APBA2: variants seen among roughly 807,000 people sequenced by gnomAD.
APBA2 encodes the protein amyloid beta precursor protein binding family A member 2, also known as amyloid-beta A4 precursor protein-binding family A member 2.
In APBA2, 30 loss-of-function variants were observed where a neutral mutation model predicts 75.0. That is an observed-to-expected ratio of 0.40 (90% confidence interval 0.30 to 0.54). The LOEUF (loss-of-function observed/expected upper bound fraction) is 0.54, where lower values mean the gene tolerates loss of function less well. Ranked by LOEUF, APBA2 falls within the 20% of genes least tolerant of loss-of-function variation. The pLI is 0.49. For synonymous variants in APBA2, 444 were observed against 409.6 expected, an observed-to-expected ratio of 1.08 and a Z score of -1.01; for missense variants, 801 against 1,016.1, an observed-to-expected ratio of 0.79 and a Z score of 2.88.
chr15:29,022,114 T>C (rs534627531), intron 3 of APBA2, among the ~76,000 whole-genome samples: 28 of 152,314 alleles, frequency 1.8e-4, no homozygotes, highest in African/African-American at 6.7e-4. Context: ...GAGTGCAGAC[T>C]TCTCTCTGAA....
intron 3 of APBA2, among the ~76,000 whole-genome samples, chr15:29,014,790 C>T (rs1179205401): frequency 1.3e-5 from 2 of 151,006 alleles, no homozygotes. Flanking sequence ...CTCACTGCAG[C>T]CTTGGACTCC....
chr15:29,088,556 C>A (rs2043400175), intron 6 of APBA2, among the ~76,000 whole-genome samples: 1 of 152,170 alleles, frequency 6.6e-6, no homozygotes, highest in Non-Finnish European at 1.5e-5. Flanking sequence ...TGTTGATGGA[C>A]CCCTAAATCC....
At chr15:28,944,371 G>A (rs2035419872) in intron 2 of APBA2, among the ~76,000 whole-genome samples, 1 of 152,288 alleles carries the variant, frequency 6.6e-6, no homozygotes, top group Non-Finnish European at 1.5e-5. Flanking sequence ...TTACCTCCGT[G>A]TCACTGTCCA....
At chr15:29,098,265 C>T (rs374750814) in intron 8 of APBA2, among the ~76,000 whole-genome samples, 1 of 152,216 alleles carries the variant, frequency 6.6e-6, no homozygotes, top group African/African-American at 2.4e-5. Flanking sequence ...CACACCCTCC[C>T]ACAGTGTACC....
chr15:29,108,111 C>T (rs900623969), intron 12 of APBA2, among the ~76,000 whole-genome samples, 159 bp from the exon 13 acceptor site: 4 of 152,070 alleles, frequency 2.6e-5, no homozygotes, highest in Non-Finnish European at 5.9e-5. Flanking sequence ...CTTGTCCCCG[C>T]TGCACAGAGG....
At chr15:29,027,192 T>A (rs1018848724) in intron 3 of APBA2, among the ~76,000 whole-genome samples, 2 of 152,238 alleles carry the variant, frequency 1.3e-5, no homozygotes, top group Non-Finnish European at 2.9e-5. Context: ...TTGCTTCAGC[T>A]TTCCATCTCT....
chr15:28,971,397 G>C (rs1056407755), intron 2 of APBA2, among the ~76,000 whole-genome samples: 8 of 152,148 alleles, frequency 5.3e-5, no homozygotes, highest in Admixed American at 5.2e-4. Flanking sequence ...TTCCACCCAA[G>C]ACCAGGATAC....
At chr15:28,959,327 T>C (rs2036342435) in intron 2 of APBA2, among the ~76,000 whole-genome samples, 1 of 152,228 alleles carries the variant, frequency 6.6e-6, no homozygotes, top group Non-Finnish European at 1.5e-5. Flanking sequence ...TGAAAATTCA[T>C]GTGTTGAAAT....
At chr15:29,063,206 G>A (rs2042217450) in intron 4 of APBA2, among the ~76,000 whole-genome samples, 1 of 117,066 alleles carries the variant, frequency 8.5e-6, no homozygotes, top group African/African-American at 3.1e-5. Flanking sequence ...TGGGTGGGGA[G>A]GGGAGTTGAT....
intron 1 of APBA2, among the ~76,000 whole-genome samples, chr15:28,889,789 C>G (rs545229103): frequency 6.6e-6 from 1 of 152,376 alleles, no homozygotes; most frequent in South Asian, 2.1e-4. Context: ...TGGCCCCTCA[C>G]TTATTGCCCA....
At chr15:29,047,642 G>A (rs1474414725) in intron 3 of APBA2, among the ~76,000 whole-genome samples, 1 of 152,236 alleles carries the variant, frequency 6.6e-6, no homozygotes, top group Non-Finnish European at 1.5e-5. Flanking sequence ...AGTCAAGGGT[G>A]CCTGTTAGTG....
chr15:28,906,374 A>G (rs990491404), intron 1 of APBA2, among the ~76,000 whole-genome samples: 2 of 152,194 alleles, frequency 1.3e-5, no homozygotes, highest in African/African-American at 4.8e-5. Context: ...ACACTTGCAC[A>G]ATATGTGACC....
intron 2 of APBA2, among the ~76,000 whole-genome samples, chr15:28,983,845 G>A (rs954939253): frequency 6.6e-6 from 1 of 152,212 alleles, no homozygotes; most frequent in Non-Finnish European, 1.5e-5. Flanking sequence ...GGTTTTAGGA[G>A]TAGATTAATG....
intron 3 of APBA2, among the ~76,000 whole-genome samples, chr15:29,027,264 A>G (rs928856514): frequency 5.9e-5 from 9 of 151,678 alleles, no homozygotes; most frequent in Admixed American, 1.3e-4. Context: ...GTGTTTGTCA[A>G]TTCATCTCGG....
intron 3 of APBA2, among the ~76,000 whole-genome samples, chr15:29,003,316 A>C (rs769550284): frequency 5.9e-5 from 9 of 152,192 alleles, no homozygotes; most frequent in Non-Finnish European, 1.2e-4. Context: ...ACTTAAGATG[A>C]GTCAAATCTA....
chr15:28,998,002 C>T (rs907886550), intron 3 of APBA2, among the ~76,000 whole-genome samples: 1 of 152,102 alleles, frequency 6.6e-6, no homozygotes, highest in East Asian at 1.9e-4. Context: ...CCAATTATGC[C>T]AGAATGAGTC....
chr15:28,909,638 A>ATGCTGGGCACAGGTGCTGGGCACAGG (rs375611530), intron 1 of APBA2, among the ~76,000 whole-genome samples: 1 of 152,022 alleles, frequency 6.6e-6, no homozygotes, highest in Non-Finnish European at 1.5e-5. Flanking sequence ...ATCGAGCTGG[A>ATGCTGGGCACAGGTGCTGGGCACAGG]TGCTGGGCAC....
Position 28,998,257 on chromosome 15 carries a change from G to A in APBA2, c.-41+2451G>A, listed in dbSNP as rs151191581. On this transcript the variant is annotated intron_variant, in intron 3 of 14. Transcript: ENST00000683413. ...GGCCTCACTATATCCTATGATAACC[G>A]TCCTATAGGCCCTCGATCTATAAAA... Among the ~76,000 whole-genome samples, 340 of 142,046 alleles carry A rather than the reference G, an allele frequency of 2.4e-3. 2 individuals are homozygous for A. The highest frequency in any genetic ancestry group is 8.5e-3 in the African/African-American group (320 of 37,728). 93.2% of individuals were successfully genotyped at this position (142,046 alleles called of 152,430 possible).
intron 2 of APBA2, among the ~76,000 whole-genome samples, chr15:28,971,927 T>C (rs1233102012): frequency 6.6e-6 from 1 of 152,070 alleles, no homozygotes; most frequent in Non-Finnish European, 1.5e-5. Flanking sequence ...TGTAGCAAAA[T>C]GCTGGACATG....
Sources: allele counts gnomAD v4.1 joint callset (sites outside exome capture counted in the v4.1 genomes callset), GRCh38; gene constraint gnomAD v4.1.1; transcripts MANE v1.5; gene names NCBI Gene and HGNC (gene_info 2026-07-23, HGNC 2026-07-21).